The following RBFOX3 variants were observed in gnomAD, a reference collection of about 807,000 sequenced individuals.
The protein encoded by RBFOX3 is RNA binding protein fox-1 homolog 3.
Under a neutral mutation model 48.7 loss-of-function variants are expected in RBFOX3, and 17 were observed. The ratio of observed to expected loss-of-function variants is 0.35; its 90% CI spans 0.24 to 0.52. The LOEUF (loss-of-function observed/expected upper bound fraction) is 0.52, where lower values mean the gene tolerates loss of function less well. Among genes scored for constraint, RBFOX3 ranks in the 20% least tolerant of loss-of-function variants. The probability of loss-of-function intolerance (pLI) is 0.94; values close to 1 mark genes in which losing one functional copy is unlikely to be tolerated. For synonymous variants in RBFOX3, 212 were observed against 209.5 expected (o/e 1.01, Z -0.10); for missense variants, 382 against 497.5 (o/e 0.77, Z 2.21).
chr17:79,163,714 C>T (rs970309967), intron 4 of RBFOX3, among the ~76,000 whole-genome samples: 20 of 152,112 alleles, frequency 1.3e-4, no homozygotes, highest in African/African-American at 4.8e-4. Context: ...ACTTGCTTCC[C>T]TCCTGGCTGA....
At chr17:79,570,078 G>A (rs991215668) in intron 1 of RBFOX3, among the ~76,000 whole-genome samples, 3,892 of 150,116 alleles carry the variant, frequency 0.026, 184 homozygotes, top group African/African-American at 0.09. Flanking sequence ...AGTAGAGAAG[G>A]AATGGACAGA....
rs115976877 is a variant in RBFOX3 at position 79,237,337 on chromosome 17, C to T, written c.-73-1532G>A. On this transcript the variant is annotated intron_variant, in intron 3 of 14. Coordinates refer to ENST00000693108, the MANE Select transcript of RBFOX3 (RefSeq NM_001350451.2). ...TTTGCATGGTTTATGAGCCAGGCAC[C>T]GCCTGTACATTGCTTCATTCAGCCC... Among the ~76,000 whole-genome samples, 904 of 152,288 alleles carry T rather than the reference C, an allele frequency of 5.9e-3. 13 individuals are homozygous for T. Among genetic ancestry groups the T allele is most frequent in the African/African-American group, 0.02 (815 of 41,554 alleles).
intron 1 of RBFOX3, among the ~76,000 whole-genome samples, chr17:79,589,893 G>A (rs1261890341): frequency 2.6e-5 from 4 of 152,176 alleles, no homozygotes; most frequent in South Asian, 2.1e-4. Context: ...CAGTGAGAAC[G>A]GATGTGCCTC....
At chr17:79,485,459 C>A (rs1216970832) in intron 1 of RBFOX3, among the ~76,000 whole-genome samples, 1 of 152,136 alleles carries the variant, frequency 6.6e-6, no homozygotes, top group Non-Finnish European at 1.5e-5. Context: ...CCCCACTGCT[C>A]CCCTCCCCAG....
At chr17:79,109,571 C>A (rs762481223) in intron 5 of RBFOX3, among the ~76,000 whole-genome samples, 1 of 152,218 alleles carries the variant, frequency 6.6e-6, no homozygotes, top group Non-Finnish European at 1.5e-5. Context: ...TGAACCAAGG[C>A]GAGACCGTCC....
chr17:79,587,465 C>G (rs2093287055), intron 1 of RBFOX3, among the ~76,000 whole-genome samples: 1 of 152,248 alleles, frequency 6.6e-6, no homozygotes, highest in South Asian at 2.1e-4. Context: ...CTGCTGTTTT[C>G]ATCCTAACTT....
chr17:79,090,824 AT>A lies in RBFOX3; in HGVS notation c.*58del, dbSNP rs745889715. 71 of 1,437,622 alleles carry A rather than the reference AT, an allele frequency of 4.9e-5. No individual in the cohort carries two copies. The highest frequency in any genetic ancestry group is 5.8e-5 in the Admixed American group (2 of 34,540). 89.1% of individuals were successfully genotyped at this position (1,437,622 alleles called of 1,614,324 possible). A position where few individuals can be genotyped will look rare whatever the true frequency, so the allele number is the denominator to read the frequency against. ...CTTTTTTTGTTTTTTTTGTTTTGTG[AT>A]TTTTTTTGTTTTTTTGTTTTTGCCC... On this transcript the variant is annotated 3_prime_UTR_variant, in exon 15 of 15. Coordinates refer to ENST00000693108, the MANE Select transcript of RBFOX3 (RefSeq NM_001350451.2).
intron 2 of RBFOX3, among the ~76,000 whole-genome samples, chr17:79,379,570 G>A (rs1271661851): frequency 2.6e-5 from 4 of 152,068 alleles, no homozygotes; most frequent in African/African-American, 7.2e-5. Context: ...ATTACACCCT[G>A]GCCTTGAAAG....
chr17:79,397,333 TA>T (rs992679550), intron 2 of RBFOX3, among the ~76,000 whole-genome samples: 4 of 149,600 alleles, frequency 2.7e-5, no homozygotes, highest in East Asian at 2.0e-4. Context: ...ATAAAAAATT[TA>T]AAAAAAAAAT....
At chr17:79,434,897 G>A (rs538703442) in intron 2 of RBFOX3, among the ~76,000 whole-genome samples, 1 of 152,342 alleles carries the variant, frequency 6.6e-6, no homozygotes, top group South Asian at 2.1e-4. Context: ...TGGGGTGACA[G>A]TGCTCAAAGA....
At chr17:79,602,334 T>C (rs1034221957) in intron 1 of RBFOX3, among the ~76,000 whole-genome samples, 108 of 152,262 alleles carry the variant, frequency 7.1e-4, no homozygotes, top group Non-Finnish European at 1.4e-3. Context: ...TTGATTATAA[T>C]GTTACGCCAC....
At chr17:79,184,877 T>C (rs2053077685) in intron 4 of RBFOX3, among the ~76,000 whole-genome samples, 1 of 152,056 alleles carries the variant, frequency 6.6e-6, no homozygotes, top group African/African-American at 2.4e-5. Flanking sequence ...ATTGTCCCCT[T>C]GGGGCCTTGG....
chr17:79,439,144 C>T lies in RBFOX3; in HGVS notation c.-175+43310G>A, dbSNP rs112327525. Among the ~76,000 whole-genome samples the T allele has an allele frequency of 2.9e-3, 449 of 152,318 alleles. 3 individuals carry two copies. The highest frequency in any genetic ancestry group is 0.01 in the African/African-American group (433 of 41,570). ...GCGTGATAAATAGCAGGAATAAAAC[C>T]GAGAGAGGCGCGCAGCAAGCTGTCG... On this transcript the variant is annotated intron_variant, in intron 2 of 14. Coordinates refer to ENST00000693108, the MANE Select transcript of RBFOX3 (RefSeq NM_001350451.2).
chr17:79,521,342 ACACACT>A (rs2086067215), intron 1 of RBFOX3, among the ~76,000 whole-genome samples: 1 of 151,876 alleles, frequency 6.6e-6, no homozygotes, highest in Non-Finnish European at 1.5e-5. Context: ...ACACACATTC[ACACACT>A]CACACTCAGA....
intron 2 of RBFOX3, among the ~76,000 whole-genome samples, chr17:79,403,654 C>T (rs969222096): frequency 3.9e-5 from 6 of 152,290 alleles, no homozygotes; most frequent in East Asian, 1.9e-4. Flanking sequence ...TTGGGCAGGG[C>T]GGGGCTTGTT....
intron 2 of RBFOX3, among the ~76,000 whole-genome samples, chr17:79,470,133 T>C (rs1382155733): frequency 6.6e-6 from 1 of 152,082 alleles, no homozygotes; most frequent in Non-Finnish European, 1.5e-5. Context: ...ACACAGCCCC[T>C]GGCCCCGATC....
At chr17:79,097,221 G>T in intron 11 of RBFOX3, 71 bp downstream of exon 11, 2 of 1,324,660 alleles carry the variant, frequency 1.5e-6, no homozygotes, top group Non-Finnish European at 2.1e-6. Context: ...GCACTGCGCA[G>T]GGCCTCCCCA....
At chr17:79,422,253 G>T (rs1422926597) in intron 2 of RBFOX3, among the ~76,000 whole-genome samples, 4 of 151,416 alleles carry the variant, frequency 2.6e-5, no homozygotes, top group African/African-American at 9.8e-5. Context: ...GCTGGCCCCC[G>T]ACAGCGGCAG....
intron 1 of RBFOX3, among the ~76,000 whole-genome samples, chr17:79,487,867 G>A (rs889311765): frequency 2.3e-5 from 3 of 129,074 alleles, no homozygotes; most frequent in Admixed American, 2.0e-4. Flanking sequence ...AGCCGAGATC[G>A]CTCCACTGCA....
Sources: allele counts gnomAD v4.1 joint callset (sites outside exome capture counted in the v4.1 genomes callset), GRCh38; gene constraint gnomAD v4.1.1; transcripts MANE v1.5; gene names NCBI Gene and HGNC (gene_info 2026-07-23, HGNC 2026-07-21).